Variants in PDIA5 observed in about 807,000 individuals in gnomAD.
PDIA5 encodes protein disulfide-isomerase A5.
A neutral mutation model predicts 77.6 loss-of-function variants in PDIA5; 58 were observed. That is an observed-to-expected ratio of 0.75 (90% CI 0.61 to 0.93). PDIA5 has a LOEUF of 0.93. Among genes scored for constraint, PDIA5 ranks in the 40% least tolerant of loss-of-function variants. The pLI is 0.00. For synonymous variants in PDIA5, 250 were observed against 252.1 expected, an observed-to-expected ratio of 0.99 and a Z score of 0.08; for missense variants, 630 against 647.7, an observed-to-expected ratio of 0.97 and a Z score of 0.30.
chr3:123,136,424 C>G (rs567749075), intron 11 of PDIA5, among the ~76,000 whole-genome samples: 1 of 152,142 alleles, frequency 6.6e-6, no homozygotes, highest in African/African-American at 2.4e-5. Context: ...CTTCTCCTTC[C>G]GCAGTGCTTC....
intron 7 of PDIA5, among the ~76,000 whole-genome samples, chr3:123,114,022 G>A (rs1381933289): frequency 6.6e-6 from 1 of 152,156 alleles, no homozygotes; most frequent in East Asian, 1.9e-4. Flanking sequence ...CTTGGCCTGT[G>A]GTTTCCTACT....
intron 2 of PDIA5, among the ~76,000 whole-genome samples, chr3:123,090,475 G>A (rs1376206763): frequency 1.3e-5 from 2 of 152,184 alleles, no homozygotes; most frequent in Non-Finnish European, 2.9e-5. Flanking sequence ...TGGCTCCTTT[G>A]CTGTGAGGGA....
intron 1 of PDIA5, among the ~76,000 whole-genome samples, chr3:123,073,794 A>C (rs1304565326): frequency 6.6e-6 from 1 of 152,222 alleles, no homozygotes; most frequent in Non-Finnish European, 1.5e-5. Context: ...ATTCCCTGCA[A>C]AGAATCCTAC....
intron 10 of PDIA5, among the ~76,000 whole-genome samples, chr3:123,128,567 G>A (rs758775017): frequency 4.0e-5 from 6 of 151,870 alleles, no homozygotes; most frequent in Non-Finnish European, 8.8e-5. Context: ...AGTGCAGAGG[G>A]TACCATCATA....
intron 15 of PDIA5, among the ~76,000 whole-genome samples, chr3:123,157,781 C>T (rs1936052657): frequency 6.6e-6 from 1 of 152,248 alleles, no homozygotes; most frequent in Non-Finnish European, 1.5e-5. Context: ...TCGGTTGGCA[C>T]ACTGGTGGGG....
At chr3:123,069,622 A>G (rs75370563) in intron 1 of PDIA5, among the ~76,000 whole-genome samples, 5,099 of 152,236 alleles carry the variant, frequency 0.033, 117 homozygotes, top group African/African-American at 0.063. Flanking sequence ...CTGTATTCTC[A>G]TATGATAGAA....
intron 11 of PDIA5, among the ~76,000 whole-genome samples, chr3:123,135,047 G>A (rs1021488941): frequency 1.3e-5 from 2 of 152,250 alleles, no homozygotes; most frequent in Non-Finnish European, 2.9e-5. Context: ...AGGCGACGGA[G>A]ATGCTCTCTG....
At chr3:123,102,384 A>G (rs1934623270) in intron 3 of PDIA5, 27 bp from the exon 4 acceptor site, 1 of 1,584,158 alleles carries the variant, frequency 6.3e-7, no homozygotes, top group African/African-American at 1.3e-5. Flanking sequence ...CAGGTAATAA[A>G]TGGTTCCCAA....
chr3:123,155,064 C>A, intron 15 of PDIA5, 23 bp downstream of exon 15: 2 of 1,511,884 alleles, frequency 1.3e-6, no homozygotes, highest in Non-Finnish European at 1.8e-6. Flanking sequence ...CTCTTCATCT[C>A]TTGATCTGCC....
chr3:123,145,489 A>T, intron 11 of PDIA5, 33 bp from the exon 12 acceptor site: 1 of 1,591,422 alleles, frequency 6.3e-7, no homozygotes, highest in Non-Finnish European at 8.6e-7. Context: ...CCTCTGTGCC[A>T]TAAGAATGGT....
intron 5 of PDIA5, among the ~76,000 whole-genome samples, chr3:123,103,479 C>T (rs950871406): frequency 1.3e-5 from 2 of 152,164 alleles, no homozygotes; most frequent in Admixed American, 1.3e-4. Context: ...TTTGAACTCA[C>T]TTCCTAACCC....
intron 1 of PDIA5, 80 bp downstream of exon 1, chr3:123,067,286 C>T: frequency 8.7e-7 from 1 of 1,151,524 alleles, no homozygotes; most frequent in Non-Finnish European, 1.1e-6. Context: ...CTCCAGCCCT[C>T]TGCGGAACGT....
chr3:123,155,616 G>T (rs1936005189), intron 15 of PDIA5, among the ~76,000 whole-genome samples: 1 of 152,224 alleles, frequency 6.6e-6, no homozygotes, highest in African/African-American at 2.4e-5. Context: ...GTGGGGCAGG[G>T]AAATACCCCT....
chr3:123,112,022 G>A (rs933892664), intron 7 of PDIA5, among the ~76,000 whole-genome samples: 2 of 152,192 alleles, frequency 1.3e-5, no homozygotes, highest in East Asian at 1.9e-4. Flanking sequence ...GTCCGTGGGC[G>A]CTTGCGAGCT....
chr3:123,126,975 C>T (rs1431927121), intron 10 of PDIA5, among the ~76,000 whole-genome samples: 2 of 152,202 alleles, frequency 1.3e-5, no homozygotes, highest in Non-Finnish European at 2.9e-5. Flanking sequence ...TCATTGGCCA[C>T]TTGAAGCTGT....
intron 12 of PDIA5, among the ~76,000 whole-genome samples, chr3:123,145,871 C>T (rs1305846347): frequency 3.9e-5 from 6 of 152,220 alleles, no homozygotes; most frequent in Non-Finnish European, 5.9e-5. Context: ...ATCTACTCAA[C>T]GTGGCTGGTG....
intron 11 of PDIA5, among the ~76,000 whole-genome samples, chr3:123,141,706 G>C (rs1935640948): frequency 6.6e-6 from 1 of 152,220 alleles, no homozygotes; most frequent in Non-Finnish European, 1.5e-5. Context: ...TTTTCATCCT[G>C]ACCGTGGCCC....
intron 11 of PDIA5, among the ~76,000 whole-genome samples, chr3:123,139,824 C>T (rs920899): frequency 0.84 from 127,745 of 152,154 alleles, 53,882 homozygotes; most frequent in East Asian, 0.96. Context: ...ATTCAGAAAG[C>T]GTGTGGAGCA....
At chr3:123,133,566 C>T (rs1464008622) in intron 11 of PDIA5, among the ~76,000 whole-genome samples, 1 of 152,240 alleles carries the variant, frequency 6.6e-6, no homozygotes, top group Non-Finnish European at 1.5e-5. Context: ...TGGGGAGAAT[C>T]AGACAGGATG....
Sources: gnomAD v4.1 joint callset for allele counts (sites outside exome capture counted in the v4.1 genomes callset) on GRCh38, gnomAD v4.1.1 for gene constraint, MANE v1.5 for transcripts, NCBI Gene and HGNC (gene_info 2026-07-23, HGNC 2026-07-21) for gene names.